SH3D21: variants seen among roughly 807,000 people sequenced by gnomAD.
SH3D21 encodes the protein manchette microtubule inner protein 1.
Under a neutral mutation model 82.1 loss-of-function variants are expected in SH3D21, and 83 were observed. The observed-to-expected ratio is 1.01, with a 90% confidence interval of 0.85 to 1.21. The LOEUF is 1.21. Among genes scored for constraint, SH3D21 ranks in the 50% most tolerant of loss-of-function variants. The probability of loss-of-function intolerance (pLI) is 0.00; values close to 1 mark genes in which losing one functional copy is unlikely to be tolerated. For synonymous variants in SH3D21, 383 were observed against 387.8 expected, an observed-to-expected ratio of 0.99 and a Z score of 0.15; for missense variants, 980 against 962.1, an observed-to-expected ratio of 1.02 and a Z score of -0.25.
At chr1:36,328,508 C>T (rs192376154), downstream of SH3D21, 26 of 251,100 alleles carry the variant, frequency 1.0e-4, no homozygotes, top group African/African-American at 4.6e-4. Flanking sequence ...TGGTGGCTCA[C>T]GTCTGTAATC....
chr1:36,322,860 G>C, downstream of SH3D21: 3 of 1,514,450 alleles, frequency 2.0e-6, no homozygotes, highest in Non-Finnish European at 1.8e-6. Context: ...AACCGCCAGC[G>C]GGCAAGAGGG....
chr1:36,311,059 C>T (rs768934132), intron 10 of SH3D21, among the ~76,000 whole-genome samples: 2 of 151,916 alleles, frequency 1.3e-5, no homozygotes, highest in Non-Finnish European at 2.9e-5. Flanking sequence ...CAGGCACCCA[C>T]CACCATGCCC....
intron 10 of SH3D21, among the ~76,000 whole-genome samples, chr1:36,311,295 C>A (rs1374327050): frequency 2.0e-5 from 3 of 152,080 alleles, no homozygotes; most frequent in Admixed American, 6.6e-5. Context: ...GGCTGGAATG[C>A]AGTGGCGCAA....
chr1:36,322,270 G>T (rs980763789), downstream of SH3D21: 3 of 1,473,752 alleles, frequency 2.0e-6, no homozygotes, highest in African/African-American at 2.8e-5. Flanking sequence ...TACCCCGAGC[G>T]CCTTGCAGCG....
downstream of SH3D21, chr1:36,321,969 C>A (rs1646471073): frequency 1.7e-6 from 2 of 1,170,366 alleles, no homozygotes; most frequent in Non-Finnish European, 2.1e-6. The surrounding 1 kb of genome is among the most constrained non-coding windows in gnomAD (Gnocchi z 6.1). Flanking sequence ...AGTCCTGGGG[C>A]CCCTGCGTGG....
chr1:36,322,427 C>A, downstream of SH3D21: 2 of 1,602,906 alleles, frequency 1.2e-6, no homozygotes, highest in South Asian at 2.2e-5. Flanking sequence ...CCAGCCGCTG[C>A]GCCCGCTCCA....
Position 36,319,982 on chromosome 1 carries a change from C to T in SH3D21, c.1319C>T (p.Thr440Ile). 6.2e-7 allele frequency: 1 copy of T among 1,614,182 alleles called. No individual in the cohort carries two copies. Among genetic ancestry groups the T allele is most frequent in the Non-Finnish European group, 8.5e-7 (1 of 1,180,042 alleles). ...ENSIIPEETL[T>I]VDKPSTPERV... is the part of the protein sequence containing the mutation. The stretch of plus-strand genomic sequence containing the variant: ...TCCATCATCCCAGAGGAGACCCTGA[C>T]TGTGGACAAACCCTCCACTCCAGAG... Residue 440 changes from threonine (T) to isoleucine (I), a missense_variant, in exon 14 of 16, where the codon ACT becomes ATT. By Grantham distance (89) the Thr-to-Ile change is moderately conservative. Transcript: ENST00000453908.
downstream of SH3D21, among the ~76,000 whole-genome samples, chr1:36,326,990 C>G (rs550595795): frequency 6.6e-6 from 1 of 152,244 alleles, no homozygotes; most frequent in East Asian, 1.9e-4. Context: ...TTTGAGAGTC[C>G]TTACCACATA....
intron 10 of SH3D21, 129 bp from the exon 11 acceptor site, chr1:36,318,936 ATAATAC>A (rs1165103283): frequency 3.1e-6 from 1 of 321,500 alleles, no homozygotes; most frequent in Non-Finnish European, 5.7e-6. Flanking sequence ...AATAATAATA[ATAATAC>A]AAAAATTAGC....
At chr1:36,310,603 ACT>A (rs1646218938) in intron 10 of SH3D21, among the ~76,000 whole-genome samples, 1 of 147,910 alleles carries the variant, frequency 6.8e-6, no homozygotes, top group African/African-American at 2.5e-5. Flanking sequence ...TGAGAGTGAG[ACT>A]CTGTCTCAAA....
rs374584584 is a variant in SH3D21 at position 36,308,150 on chromosome 1, C to T, written c.580C>T (p.Pro194Ser). Reference protein sequence around the residue: ...EVYRVLFDYQPEAPDELALRR... With the variant: ...EVYRVLFDYQSEAPDELALRR... ...CTACAGGGTCCTGTTTGACTACCAG[C>T]CTGAGGCCCCAGACGAGTTGGCGCT... is the stretch of plus-strand genomic sequence containing the variant. The change falls in exon 8 of 16, where the codon CCT (proline) becomes TCT (serine). Residue 194 changes from proline to serine, a missense_variant. Transcript: ENST00000453908. The T allele has an allele frequency of 1.7e-4, 264 of 1,549,846 alleles. 1 individual carries two copies. The African/African-American group carries it at 3.4e-3, about 20-fold the overall frequency.
chr1:36,309,715 G>T, intron 10 of SH3D21, 125 bp downstream of exon 10: 1 of 1,022,390 alleles, frequency 9.8e-7, no homozygotes. Context: ...CTCACCTGTG[G>T]GTCAAAAGCT....
rs753000712 is a variant in SH3D21, at chr1:36,320,498, TGAGA to T, written c.1839_1842del (p.Glu614ArgfsTer14). ...GCGCCCCCCAACGAGCAGAGGCCTC[TGAGA>T]GAGGAGGTGCTCCCCAAAGAGGGAG... On this transcript the variant is annotated frameshift_variant, in exon 14 of 16. Transcript: ENST00000453908. LOFTEE classifies it high-confidence loss of function. 2.0e-5 allele frequency: 33 copies of T among 1,613,888 alleles called. No individual in the cohort carries two copies. The South Asian group carries it at 2.7e-4, about 13-fold the overall frequency.
rs749537570 is a variant in SH3D21 at position 36,320,872 on chromosome 1, A to G, written c.2136-43A>G. ...CTCACCTGCGCAGCCCCTCACCTCC[A>G]GCCCTCACCTGCCCAGCCCCTCACC... On this transcript the variant is annotated intron_variant, in intron 14 of 15. Coordinates refer to ENST00000453908, the MANE Select transcript of SH3D21 (RefSeq NM_001162530.2). 3.7e-5 allele frequency: 57 copies of G among 1,551,852 alleles called. No homozygotes were observed. The Middle Eastern group carries it at 1.7e-3, about 46-fold the overall frequency.
At chr1:36,315,714 T>C (rs1646331560) in intron 10 of SH3D21, among the ~76,000 whole-genome samples, 1 of 152,144 alleles carries the variant, frequency 6.6e-6, no homozygotes, top group Non-Finnish European at 1.5e-5. Flanking sequence ...ACCACCTCAT[T>C]CAGCCAGAGC....
At chr1:36,323,188 T>G, downstream of SH3D21, 1 of 808,044 alleles carries the variant, frequency 1.2e-6, no homozygotes, top group Non-Finnish European at 1.8e-6. Context: ...AGCGCTTCCC[T>G]AACTTCGTGG....
Position 36,307,986 on chromosome 1 carries a change from C to G in SH3D21, c.538+23C>G. On this transcript the variant is annotated intron_variant, in intron 7 of 15. Transcript: ENST00000453908. The surrounding 1 kb of genome is among the most constrained non-coding windows in gnomAD (Gnocchi z 5.4). ...CAGGTGAGCACCCATCCAAAGGGTCCCCCACTCCCTCAGCCACTCCCAAGG... is the reference window on the plus strand; with the variant it reads ...CAGGTGAGCACCCATCCAAAGGGTCGCCCACTCCCTCAGCCACTCCCAAGG... 6.4e-7 allele frequency: 1 copy of G among 1,551,578 alleles called. No individual in the cohort carries two copies. The highest frequency in any genetic ancestry group is 8.7e-7 in the Non-Finnish European group (1 of 1,146,998).
chr1:36,319,632 C>T (rs1282297352), intron 13 of SH3D21, 43 bp from the exon 14 acceptor site: 6 of 1,549,766 alleles, frequency 3.9e-6, no homozygotes, highest in East Asian at 4.9e-5. Flanking sequence ...CCAAGGGGAA[C>T]CAGACTCAAC....
In SH3D21 at chr1:36,307,831, T is replaced by C. The variant is rs1449428221; in HGVS notation, c.492+6T>C. 3 of 1,551,650 alleles carry C rather than the reference T, an allele frequency of 1.9e-6. No homozygotes were observed. The highest frequency in any genetic ancestry group is 2.6e-6 in the Non-Finnish European group (3 of 1,147,010). ...GTCCCCAGCGGCCTCCCAAGGTAAGTTGGCTCAGAGTAGGCACAGAGGTGG... is the reference window on the plus strand; with the variant it reads ...GTCCCCAGCGGCCTCCCAAGGTAAGCTGGCTCAGAGTAGGCACAGAGGTGG... On this transcript the variant is annotated splice_donor_region_variant and intron_variant, in intron 6 of 15. Coordinates refer to ENST00000453908, the MANE Select transcript of SH3D21 (RefSeq NM_001162530.2). The surrounding 1 kb of genome is among the most constrained non-coding windows in gnomAD (Gnocchi z 5.4).
Sources: allele counts gnomAD v4.1 joint callset (sites outside exome capture counted in the v4.1 genomes callset), GRCh38; gene constraint gnomAD v4.1.1; non-coding constraint Gnocchi (gnomAD v3.1); transcripts MANE v1.5; gene names NCBI Gene and HGNC (gene_info 2026-07-23, HGNC 2026-07-21).